The following SPAG9 variants were observed in gnomAD, a reference collection of about 807,000 sequenced individuals.
SPAG9 encodes C-Jun-amino-terminal kinase-interacting protein 4.
In SPAG9, 35 loss-of-function variants were observed where a neutral mutation model predicts 166.5. The ratio of observed to expected loss-of-function variants is 0.21; its 90% CI spans 0.16 to 0.28. The LOEUF is 0.28. Ranked by LOEUF, SPAG9 falls within the 10% of genes least tolerant of loss-of-function variation. SPAG9 has a pLI of 1.00. For synonymous variants in SPAG9, 534 were observed against 565.5 expected (o/e 0.94, Z 0.79); for missense variants, 1,235 against 1,603.3 (o/e 0.77, Z 3.92).
chr17:51,067,666 A>G (rs1438272560), intron 2 of SPAG9, among the ~76,000 whole-genome samples: 3 of 152,128 alleles, frequency 2.0e-5, no homozygotes, highest in Admixed American at 6.6e-5. Flanking sequence ...AAAACAACTG[A>G]TAAGTAACTG....
chr17:51,077,557 C>G (rs2048051743), intron 2 of SPAG9, among the ~76,000 whole-genome samples: 2 of 152,180 alleles, frequency 1.3e-5, no homozygotes, highest in Admixed American at 1.3e-4. Context: ...AAGACCATTT[C>G]TCCAGATGAA....
rs769287057 is a variant in SPAG9, at chr17:50,995,193, C to A, written c.2090G>T (p.Gly697Val). The A allele has an allele frequency of 1.9e-6, 3 of 1,614,016 alleles. No homozygotes were observed. Among genetic ancestry groups the A allele is most frequent in the Non-Finnish European group, 2.5e-6 (3 of 1,179,960 alleles). ...AGAACCACCATCTCTGGTCTTCCCA[C>A]CAGATAAATTGACTCCAACAGCACA... ...LWCAVGVNLS[G>V]GKTRDGGSVV... is the part of the protein sequence containing the mutation. The change falls in exon 18 of 30, where the codon GGT (glycine) becomes GTT (valine). Residue 697 changes from glycine to valine, a missense_variant. By Grantham distance (109) the Gly-to-Val change is moderately radical. Coordinates refer to ENST00000262013, the MANE Select transcript of SPAG9 (RefSeq NM_001130528.3).
chr17:50,976,777 C>T (rs1567954301), intron 27 of SPAG9: 1 of 189,090 alleles, frequency 5.3e-6, no homozygotes, highest in Non-Finnish European at 1.1e-5. Context: ...ATATGAAAAA[C>T]TAAGATGAAT....
At chr17:50,988,829 T>C (rs528122179) in intron 21 of SPAG9, among the ~76,000 whole-genome samples, 44 of 152,328 alleles carry the variant, frequency 2.9e-4, no homozygotes, top group African/African-American at 7.7e-4. Flanking sequence ...GCTGGGATTA[T>C]AGGCATGAGC....
Position 51,021,373 on chromosome 17 carries a change from T to C in SPAG9, c.784-8A>G, listed in dbSNP as rs1373354281. ...AACATCAGAAAGCTCATCCTACAAA[T>C]AAAAATAATTTAAAATAAAATTTTA... On this transcript the variant is annotated splice_polypyrimidine_tract_variant and splice_region_variant and intron_variant, in intron 6 of 29. Coordinates refer to ENST00000262013, the MANE Select transcript of SPAG9 (RefSeq NM_001130528.3). The C allele has an allele frequency of 3.2e-6, 5 of 1,585,852 alleles. No individual in the cohort carries two copies. Among genetic ancestry groups the C allele is most frequent in the Non-Finnish European group, 4.3e-6 (5 of 1,166,846 alleles).
chr17:51,055,130 C>A (rs1016959916), intron 3 of SPAG9, among the ~76,000 whole-genome samples: 1 of 152,026 alleles, frequency 6.6e-6, no homozygotes, highest in Non-Finnish European at 1.5e-5. Context: ...GGTGGATTGC[C>A]TGAGGTGAGG....
At chr17:51,005,184 G>C (rs1567987608) in intron 12 of SPAG9, 28 bp downstream of exon 12, 1 of 1,607,850 alleles carries the variant, frequency 6.2e-7, no homozygotes, top group African/African-American at 1.3e-5. Context: ...GGTAAGGTAA[G>C]AAAAAAAGTC....
chr17:51,054,752 T>C (rs928972264), intron 3 of SPAG9, among the ~76,000 whole-genome samples: 2 of 152,140 alleles, frequency 1.3e-5, no homozygotes, highest in African/African-American at 4.8e-5. Context: ...GGGTATTTTT[T>C]ACCACTGAAA....
chr17:51,028,686 T>C (rs1050436931), intron 6 of SPAG9, among the ~76,000 whole-genome samples: 1 of 152,210 alleles, frequency 6.6e-6, no homozygotes, highest in Non-Finnish European at 1.5e-5. Flanking sequence ...GTATCTCTGT[T>C]GTTAAGCGAC....
At position 51,014,295 on chromosome 17, in the gene SPAG9, C is replaced by G; in HGVS notation, c.1150G>C (p.Glu384Gln). 1 of 1,613,756 alleles carries G rather than the reference C, an allele frequency of 6.2e-7. No homozygotes were observed. Among genetic ancestry groups the G allele is most frequent in the Non-Finnish European group, 8.5e-7 (1 of 1,179,744 alleles). ...CCTGAGCCAGCTGAAGACAGTTCTTCAAAGAGAGATTCTGTATTGCGATCA... is the reference window on the plus strand; with the variant it reads ...CCTGAGCCAGCTGAAGACAGTTCTTGAAAGAGAGATTCTGTATTGCGATCA... ...AFDRNTESLF[E>Q]ELSSAGSGLI... Residue 384 changes from glutamate to glutamine, a missense_variant, in exon 9 of 30, where the codon GAA becomes CAA. Coordinates refer to ENST00000262013, the MANE Select transcript of SPAG9 (RefSeq NM_001130528.3).
At chr17:51,117,733 G>C (rs1456569302) in intron 1 of SPAG9, among the ~76,000 whole-genome samples, 1 of 120,216 alleles carries the variant, frequency 8.3e-6, no homozygotes, top group African/African-American at 3.4e-5. Context: ...AAAAAAAAAA[G>C]GCGCAAACAA....
At chr17:51,069,854 C>G (rs1490436943) in intron 2 of SPAG9, among the ~76,000 whole-genome samples, 1 of 152,036 alleles carries the variant, frequency 6.6e-6, no homozygotes, top group Non-Finnish European at 1.5e-5. Context: ...GTATAAGGAT[C>G]TAACACATTT....
At chr17:51,054,442 C>CT (rs1425151006) in intron 3 of SPAG9, among the ~76,000 whole-genome samples, 8,244 of 132,730 alleles carry the variant, frequency 0.062, 670 homozygotes, top group African/African-American at 0.2. Context: ...GTTTTTTTGG[C>CT]TTTTTTTTTT....
intron 14 of SPAG9, 95 bp from the exon 15 acceptor site, chr17:50,998,712 C>G: frequency 1.6e-6 from 2 of 1,224,082 alleles, no homozygotes; most frequent in Non-Finnish European, 2.3e-6. Context: ...TTTCAGAGTA[C>G]TTTTACAAGG....
chr17:50,974,739 A>G (rs751824827), intron 28 of SPAG9, 32 bp downstream of exon 28: 1 of 1,549,178 alleles, frequency 6.5e-7, no homozygotes, highest in Non-Finnish European at 8.7e-7. Flanking sequence ...AGACAATTAC[A>G]TGGAACATCT....
Position 51,006,136 on chromosome 17 carries a change from G to A in SPAG9, c.1373C>T (p.Ala458Val), listed in dbSNP as rs755733438. 1 of 1,614,118 alleles carries A rather than the reference G, an allele frequency of 6.2e-7. No homozygotes were observed. Among genetic ancestry groups the A allele is most frequent in the Admixed American group, 1.7e-5 (1 of 60,030 alleles). ...GTTCTTTTCCTCTAGTTTCAGTTTG[G>A]CTTGCTTCACAGCCTCCAATTCCCC... ...LQGELEAVKQ[A>V]KLKLEEKNRE... is the part of the protein sequence containing the mutation. The change falls in exon 11 of 30, where the codon GCC becomes GTC. Residue 458 changes from alanine (A) to valine (V), a missense_variant. Around this residue, in one of 6 missense-constraint regions of SPAG9, gnomAD observed 125 missense variants for 194.0 expected, o/e 0.64. Transcript: ENST00000262013.
intron 12 of SPAG9, among the ~76,000 whole-genome samples, chr17:51,003,611 C>T (rs2045061323): frequency 6.6e-6 from 1 of 152,118 alleles, no homozygotes; most frequent in African/African-American, 2.4e-5. Flanking sequence ...ATAGAGTGAG[C>T]ACAGGGGTAA....
At chr17:51,070,661 C>A (rs1336885322) in intron 2 of SPAG9, among the ~76,000 whole-genome samples, 8 of 151,866 alleles carry the variant, frequency 5.3e-5, no homozygotes, top group Non-Finnish European at 1.2e-4. Flanking sequence ...TACAATAGAG[C>A]ATAATATATT....
rs978495357 is a variant in SPAG9, at chr17:50,963,560, C to T, written c.*2712G>A. The T allele has an allele frequency of 3.3e-5, 5 of 152,190 alleles. No homozygotes were observed. Among genetic ancestry groups the T allele is most frequent in the African/African-American group, 7.2e-5 (3 of 41,442 alleles). 9.4% of individuals were successfully genotyped at this position (152,190 alleles called of 1,614,324 possible). ...CATCTTTAGATAAAACAACTACACACCTATATTACTTAAGTTAAAGCCAGT... is the reference window on the plus strand; with the variant it reads ...CATCTTTAGATAAAACAACTACACATCTATATTACTTAAGTTAAAGCCAGT... On this transcript the variant is annotated 3_prime_UTR_variant, in exon 30 of 30. Coordinates refer to ENST00000262013, the MANE Select transcript of SPAG9 (RefSeq NM_001130528.3).
Sources: gnomAD v4.1 joint callset for allele counts (sites outside exome capture counted in the v4.1 genomes callset) on GRCh38, gnomAD v4.1.1 for gene constraint, gnomAD v4.1.1 regional missense constraint, MANE v1.5 for transcripts, NCBI Gene and HGNC (gene_info 2026-07-23, HGNC 2026-07-21) for gene names.